TNFSF11: variants seen among roughly 807,000 people sequenced by gnomAD.
The protein encoded by TNFSF11 is TNF superfamily member 11, also known as tumor necrosis factor ligand superfamily member 11.
A neutral mutation model predicts 32.2 loss-of-function variants in TNFSF11; 12 were observed. That is an observed-to-expected ratio of 0.37 (90% CI 0.24 to 0.60). TNFSF11 has a LOEUF of 0.60. Among genes scored for constraint, TNFSF11 ranks in the 20% least tolerant of loss-of-function variants. The probability of loss-of-function intolerance (pLI) is 0.66; values close to 1 mark genes in which losing one functional copy is unlikely to be tolerated. For missense variants in TNFSF11, 345 were observed against 398.0 expected, an observed-to-expected ratio of 0.87 and a Z score of 1.13; for synonymous variants, 172 against 152.1, an observed-to-expected ratio of 1.13 and a Z score of -0.96.
intron 4 of TNFSF11, among the ~76,000 whole-genome samples, chr13:42,604,562 T>A (rs1869348884): frequency 6.6e-6 from 1 of 152,214 alleles, no homozygotes; most frequent in South Asian, 2.1e-4. Flanking sequence ...TGGCCCTTGC[T>A]GCAGTTTTTC....
intron 2 of TNFSF11, among the ~76,000 whole-genome samples, chr13:42,599,002 C>T (rs993184527): frequency 6.6e-6 from 1 of 152,152 alleles, no homozygotes; most frequent in African/African-American, 2.4e-5. Context: ...AAAGGGGCTA[C>T]CATGTGCCTA....
upstream of TNFSF11, chr13:42,571,779 C>T (rs780362490): frequency 3.9e-5 from 6 of 152,154 alleles, no homozygotes; most frequent in African/African-American, 1.4e-4. Flanking sequence ...GAAGAAAATC[C>T]TGATCAGTGT....
chr13:42,606,844 T>G lies in TNFSF11; in HGVS notation c.880T>G (p.Ser294Ala). Residue 294 changes from serine (S) to alanine (A), a missense_variant, in exon 5 of 5, where the codon TCC becomes GCC. Ser to Ala is a moderately conservative substitution (Grantham distance 99). Coordinates refer to ENST00000398795, the MANE Select transcript of TNFSF11 (RefSeq NM_003701.4). ...RSGEEISIEVSNPSLLDPDQD... is the reference protein window; with the variant it reads ...RSGEEISIEVANPSLLDPDQD... The stretch of plus-strand genomic sequence containing the variant: ...TGGAGAGGAAATCAGCATCGAGGTC[T>G]CCAACCCCTCCTTACTGGATCCGGA... The G allele has an allele frequency of 6.2e-7, 1 of 1,614,052 alleles. No individual in the cohort carries two copies. The highest frequency in any genetic ancestry group is 1.1e-5 in the South Asian group (1 of 91,058).
At chr13:42,582,780 A>G (rs1873681109) in intron 2 of TNFSF11, among the ~76,000 whole-genome samples, 1 of 152,060 alleles carries the variant, frequency 6.6e-6, no homozygotes, top group Non-Finnish European at 1.5e-5. Context: ...ATTCATTTTT[A>G]TTGTTCTGTT....
At chr13:42,589,921 T>C (rs1874085844) in intron 2 of TNFSF11, among the ~76,000 whole-genome samples, 1 of 152,258 alleles carries the variant, frequency 6.6e-6, no homozygotes, top group Non-Finnish European at 1.5e-5. Flanking sequence ...TAGTCGGTTT[T>C]CTAATTGTCT....
chr13:42,579,243 G>T (rs1386986777), intron 1 of TNFSF11, among the ~76,000 whole-genome samples: 2 of 151,640 alleles, frequency 1.3e-5, no homozygotes, highest in Admixed American at 1.3e-4. Context: ...GAAAAAAAAA[G>T]GAAGAAATTA....
chr13:42,589,054 T>C (rs927264778), intron 2 of TNFSF11, among the ~76,000 whole-genome samples: 6 of 152,158 alleles, frequency 3.9e-5, no homozygotes, highest in Non-Finnish European at 7.4e-5. Context: ...GTGGTGGTGG[T>C]GGTACCAGTA....
intron 4 of TNFSF11, among the ~76,000 whole-genome samples, chr13:42,601,520 T>G (rs1869174222): frequency 6.6e-6 from 1 of 152,206 alleles, no homozygotes; most frequent in Non-Finnish European, 1.5e-5. Flanking sequence ...GACCTGATTA[T>G]CTTGAAAATG....
chr13:42,591,684 G>A (rs1868490453), intron 2 of TNFSF11, among the ~76,000 whole-genome samples: 1 of 152,184 alleles, frequency 6.6e-6, no homozygotes, highest in Non-Finnish European at 1.5e-5. Flanking sequence ...GGATTGCAAG[G>A]TCAGTGTGAG....
chr13:42,581,588 C>T (rs1873618979), intron 2 of TNFSF11, among the ~76,000 whole-genome samples: 1 of 152,120 alleles, frequency 6.6e-6, no homozygotes, highest in African/African-American at 2.4e-5. Context: ...TGGCTGTGGC[C>T]TGTCTGTGAG....
At chr13:42,576,164 T>C (rs1873305483) in intron 1 of TNFSF11, among the ~76,000 whole-genome samples, 2 of 152,222 alleles carry the variant, frequency 1.3e-5, no homozygotes, top group Admixed American at 6.5e-5. Context: ...CTTCGGGATA[T>C]GGCATTTTCA....
chr13:42,568,001 G>A (rs1174227195), intron 2 of TNFSF11, among the ~76,000 whole-genome samples: 5 of 152,252 alleles, frequency 3.3e-5, no homozygotes, highest in African/African-American at 1.2e-4. Flanking sequence ...GATTGGACAA[G>A]AGAGTGATTT....
chr13:42,603,921 ATGAG>A (rs1220928791), intron 4 of TNFSF11, among the ~76,000 whole-genome samples: 1 of 152,232 alleles, frequency 6.6e-6, no homozygotes, highest in Non-Finnish European at 1.5e-5. Flanking sequence ...CAGTGAATGT[ATGAG>A]TAAGTCAATG....
At chr13:42,596,274 A>G (rs1268522186) in intron 2 of TNFSF11, among the ~76,000 whole-genome samples, 2 of 152,132 alleles carry the variant, frequency 1.3e-5, no homozygotes, top group Non-Finnish European at 2.9e-5. Context: ...TGGGTTGGCC[A>G]GTTCTCAGCC....
At chr13:42,586,090 A>G (rs747167067) in intron 2 of TNFSF11, among the ~76,000 whole-genome samples, 13 of 152,254 alleles carry the variant, frequency 8.5e-5, no homozygotes, top group Non-Finnish European at 1.8e-4. Context: ...ATGTACAAAT[A>G]TACGAGAGTG....
At chr13:42,578,264 G>A in intron 1 of TNFSF11, among the ~76,000 whole-genome samples, 1 of 152,190 alleles carries the variant, frequency 6.6e-6, no homozygotes, top group East Asian at 1.9e-4. Flanking sequence ...TGTTGGGTAG[G>A]CGATACATTC....
At chr13:42,580,102 G>A (rs999010047) in intron 1 of TNFSF11, among the ~76,000 whole-genome samples, 1 of 151,820 alleles carries the variant, frequency 6.6e-6, no homozygotes, top group South Asian at 2.1e-4. Flanking sequence ...TTTCTTTTTC[G>A]CTTAGTTTGT....
chr13:42,588,829 GAGA>G (rs1566380963), intron 2 of TNFSF11, among the ~76,000 whole-genome samples: 1 of 152,182 alleles, frequency 6.6e-6, no homozygotes, highest in Non-Finnish European at 1.5e-5. Flanking sequence ...GACTATATTT[GAGA>G]AGGAGTGTGA....
intron 1 of TNFSF11, among the ~76,000 whole-genome samples, chr13:42,579,527 C>T (rs1352379200): frequency 6.6e-6 from 1 of 152,026 alleles, no homozygotes; most frequent in Non-Finnish European, 1.5e-5. Flanking sequence ...AACCTAGGGT[C>T]CCCAGGCATT....
Sources: gnomAD v4.1 joint callset for allele counts (sites outside exome capture counted in the v4.1 genomes callset) on GRCh38, gnomAD v4.1.1 for gene constraint, MANE v1.5 for transcripts, NCBI Gene and HGNC (gene_info 2026-07-23, HGNC 2026-07-21) for gene names.